NCKAP5: variants seen among roughly 807,000 people sequenced by gnomAD.
NCKAP5 encodes NCK associated protein 5, also known as nck-associated protein 5.
Under a neutral mutation model 167.0 loss-of-function variants are expected in NCKAP5, and 92 were observed. That is an observed-to-expected ratio of 0.55 (90% CI 0.47 to 0.66). The LOEUF (loss-of-function observed/expected upper bound fraction) is 0.66, where lower values mean the gene tolerates loss of function less well. Ranked by LOEUF, NCKAP5 falls within the 30% of genes least tolerant of loss-of-function variation. NCKAP5 has a pLI of 0.00. For synonymous variants in NCKAP5, 891 were observed against 877.4 expected (o/e 1.02, Z -0.27); for missense variants, 2,378 against 2,315.0 (o/e 1.03, Z -0.56).
chr2:133,121,048 G>T (rs2082234603), intron 6 of NCKAP5, among the ~76,000 whole-genome samples: 1 of 152,096 alleles, frequency 6.6e-6, no homozygotes, highest in African/African-American at 2.4e-5. Context: ...TGGATAGGCA[G>T]CGACCTTTAA....
chr2:133,622,340 A>G, the NCKAP5 span, among the ~76,000 whole-genome samples: 1 of 152,168 alleles, frequency 6.6e-6, no homozygotes, highest in African/African-American at 2.4e-5. Flanking sequence ...AGAGGAAGTT[A>G]AACTGTCTCT....
At chr2:133,063,087 A>G (rs2080066447) in intron 6 of NCKAP5, among the ~76,000 whole-genome samples, 1 of 152,200 alleles carries the variant, frequency 6.6e-6, no homozygotes, top group African/African-American at 2.4e-5. Flanking sequence ...ATATTATTTC[A>G]GAGAAGCAAA....
chr2:132,778,409 T>G (rs1371776406), intron 15 of NCKAP5, among the ~76,000 whole-genome samples: 1 of 152,150 alleles, frequency 6.6e-6, no homozygotes, highest in Non-Finnish European at 1.5e-5. Flanking sequence ...ACTAGTGAAC[T>G]AAGCGGAGGT....
chr2:133,534,011 T>C (rs1467850379), intron 2 of NCKAP5, among the ~76,000 whole-genome samples: 5 of 152,204 alleles, frequency 3.3e-5, no homozygotes, highest in African/African-American at 4.8e-5. Flanking sequence ...TTGACCTGGA[T>C]TGGATATTTG....
chr2:132,860,419 A>T, intron 11 of NCKAP5, 73 bp downstream of exon 11: 1 of 1,500,414 alleles, frequency 6.7e-7, no homozygotes, highest in Non-Finnish European at 9.0e-7. Context: ...AGATGTTGCT[A>T]ACTTCTGAAC....
At chr2:132,924,842 C>A (rs956592624) in intron 8 of NCKAP5, among the ~76,000 whole-genome samples, 1 of 150,728 alleles carries the variant, frequency 6.6e-6, no homozygotes, top group Non-Finnish European at 1.5e-5. Flanking sequence ...GCAGAATTGA[C>A]GTGAAAAAAA....
the NCKAP5 span, among the ~76,000 whole-genome samples, chr2:133,627,160 T>C: frequency 2.6e-4 from 39 of 152,146 alleles, no homozygotes; most frequent in African/African-American, 9.4e-4. Context: ...TGTACCATGA[T>C]AGATTAATGG....
At position 133,146,395 on chromosome 2, in the gene NCKAP5, C is replaced by T. The variant is rs544099649; in HGVS notation, c.208-16284G>A. On this transcript the variant is annotated intron_variant, in intron 5 of 19. Transcript: ENST00000409261. Reference sequence around the variant, plus strand: ...GTAAACGATGACTTTGTGTTTCATGCGACTACCATTCTAGATCAATTTTAA... The same window carrying T: ...GTAAACGATGACTTTGTGTTTCATGTGACTACCATTCTAGATCAATTTTAA... 3.9e-5 allele frequency among the ~76,000 whole-genome samples: 6 copies of T among 152,078 alleles called. No individual in the cohort carries two copies. The South Asian group carries it at 8.3e-4, about 21-fold the overall frequency.
the NCKAP5 span, among the ~76,000 whole-genome samples, chr2:133,590,253 G>A: frequency 6.6e-6 from 1 of 152,056 alleles, no homozygotes; most frequent in African/African-American, 2.4e-5. Flanking sequence ...CACTTTGGGA[G>A]GCCGAGGTGG....
At chr2:133,445,197 AG>A (rs1372209998) in intron 3 of NCKAP5, among the ~76,000 whole-genome samples, 125 of 152,312 alleles carry the variant, frequency 8.2e-4, no homozygotes, top group Non-Finnish European at 1.6e-3. Flanking sequence ...AATTAATACA[AG>A]AAATGAGCTT....
In NCKAP5 at chr2:132,784,843, T is replaced by A. The variant is rs747351169; in HGVS notation, c.1968A>T (p.Arg656Ser). Reference sequence around the variant, plus strand: ...CTTCTGAAGAAGTCCTTTTTACAACTCTTTGCTGCTTAATGAAACTAAAAG... The same window carrying A: ...CTTCTGAAGAAGTCCTTTTTACAACACTTTGCTGCTTAATGAAACTAAAAG... ...PKTFSFIKQQ[R>S]VVKRTSSEEC... The change falls in exon 14 of 20, where the codon AGA becomes AGT. Residue 656 changes from arginine to serine, a missense_variant. Around this residue, in one of 3 missense-constraint regions of NCKAP5, gnomAD observed 1,049 missense variants for 1,023.4 expected, o/e 1.02. Coordinates refer to ENST00000409261, the MANE Select transcript of NCKAP5 (RefSeq NM_207363.3). 5 of 1,569,758 alleles carry A rather than the reference T, an allele frequency of 3.2e-6. No individual in the cohort carries two copies. The highest frequency in any genetic ancestry group is 4.3e-6 in the Non-Finnish European group (5 of 1,158,196).
chr2:132,875,265 A>G (rs1416690051), intron 9 of NCKAP5, among the ~76,000 whole-genome samples: 4 of 152,206 alleles, frequency 2.6e-5, no homozygotes, highest in Admixed American at 6.5e-5. Flanking sequence ...AAGCAGGTAC[A>G]GAGGAGAAGC....
chr2:132,922,173 G>A (rs1695485174), intron 8 of NCKAP5, among the ~76,000 whole-genome samples: 2 of 152,142 alleles, frequency 1.3e-5, no homozygotes, highest in South Asian at 4.1e-4. Context: ...TAGGTTTTCT[G>A]CCATTTGTAA....
At chr2:132,999,542 G>A (rs561935718) in intron 6 of NCKAP5, among the ~76,000 whole-genome samples, 1 of 152,216 alleles carries the variant, frequency 6.6e-6, no homozygotes, top group South Asian at 2.1e-4. Context: ...AAAACACAGT[G>A]GTTTTCTGAA....
the NCKAP5 span, among the ~76,000 whole-genome samples, chr2:133,594,094 C>T: frequency 2.0e-5 from 3 of 152,336 alleles, no homozygotes; most frequent in South Asian, 4.1e-4. Context: ...TTTCCTTCAG[C>T]GTGGTGGGAC....
Position 133,281,111 on chromosome 2 carries a change from GT to G in NCKAP5, c.143+21925del, listed in dbSNP as rs140734496. Among the ~76,000 whole-genome samples the G allele has an allele frequency of 3.9e-5, 6 of 152,298 alleles. No homozygotes were observed. In the East Asian group the frequency reaches 1.2e-3, roughly 29 times the overall value. ...GCACATACATTGCTGCTGAATATCA[GT>G]GACATTCCGTTTTTAACAGTAAGAA... On this transcript the variant is annotated intron_variant, in intron 4 of 19. Transcript: ENST00000409261.
chr2:133,410,452 G>T (rs1688705877), intron 3 of NCKAP5, among the ~76,000 whole-genome samples: 1 of 152,192 alleles, frequency 6.6e-6, no homozygotes, highest in Non-Finnish European at 1.5e-5. Context: ...TACTAAATGG[G>T]AATAATCATA....
chr2:133,649,416 A>C, the NCKAP5 span, among the ~76,000 whole-genome samples: 2 of 151,948 alleles, frequency 1.3e-5, no homozygotes, highest in East Asian at 3.9e-4. Context: ...CCAAAGCCAG[A>C]GAAAGACAAC....
chr2:133,570,528 T>G (rs1688825977), upstream of NCKAP5, among the ~76,000 whole-genome samples: 1 of 152,152 alleles, frequency 6.6e-6, no homozygotes, highest in Non-Finnish European at 1.5e-5. Flanking sequence ...TCATTTCTGA[T>G]CCAAGGACCC....
Sources: gnomAD v4.1 joint callset for allele counts (sites outside exome capture counted in the v4.1 genomes callset) on GRCh38, gnomAD v4.1.1 for gene constraint, gnomAD v4.1.1 regional missense constraint, MANE v1.5 for transcripts, NCBI Gene and HGNC (gene_info 2026-07-23, HGNC 2026-07-21) for gene names.